EPHA3: variants seen among roughly 807,000 people sequenced by gnomAD.
The protein encoded by EPHA3 is ephrin type-A receptor 3.
EPHA3 carries 42 observed loss-of-function variants against 107.1 expected under a neutral mutation model. That is an observed-to-expected ratio of 0.39 (90% confidence interval 0.31 to 0.51). The LOEUF (loss-of-function observed/expected upper bound fraction) is 0.51. Ranked by LOEUF, EPHA3 falls within the 20% of genes least tolerant of loss-of-function variation. The pLI is 0.78. For synonymous variants in EPHA3, 461 were observed against 424.8 expected, an observed-to-expected ratio of 1.09 and a Z score of -1.05; for missense variants, 1,183 against 1,211.2, an observed-to-expected ratio of 0.98 and a Z score of 0.35.
chr3:89,166,924 G>T (rs764471705), intron 2 of EPHA3, among the ~76,000 whole-genome samples: 1 of 152,124 alleles, frequency 6.6e-6, no homozygotes, highest in Non-Finnish European at 1.5e-5. Context: ...GGGGTTGAGT[G>T]GGGTCTTTAT....
chr3:89,297,409 G>T (rs1414277904), intron 3 of EPHA3, among the ~76,000 whole-genome samples: 1 of 152,118 alleles, frequency 6.6e-6, no homozygotes, highest in Non-Finnish European at 1.5e-5. Context: ...GAGGCCAGAG[G>T]AGAAGCAGAG....
At chr3:89,331,493 G>T (rs1315584159) in intron 3 of EPHA3, among the ~76,000 whole-genome samples, 2 of 152,018 alleles carry the variant, frequency 1.3e-5, no homozygotes, top group Admixed American at 1.3e-4. Context: ...TCTAATTTAG[G>T]TCATCACACT....
rs546942184 is a variant in EPHA3 at position 89,277,059 on chromosome 3, T to A, written c.815-63857T>A. 2.4e-4 allele frequency among the ~76,000 whole-genome samples: 37 copies of A among 152,262 alleles called. 1 individual carries two copies. The highest frequency in any genetic ancestry group is 8.7e-4 in the African/African-American group (36 of 41,568). ...TCCCCAATGAAAAGCTAAATGCATA[T>A]GGACTAGCCAAAACTTTAGAAGACA... On this transcript the variant is annotated intron_variant, in intron 3 of 16. Transcript: ENST00000336596.
chr3:89,122,342 AG>A (rs1360093997), intron 1 of EPHA3, among the ~76,000 whole-genome samples: 1 of 152,198 alleles, frequency 6.6e-6, no homozygotes, highest in Non-Finnish European at 1.5e-5. Context: ...TGGCTATAAA[AG>A]TCCCTTATAA....
At chr3:89,235,608 G>A (rs1452758158) in intron 3 of EPHA3, among the ~76,000 whole-genome samples, 1 of 151,634 alleles carries the variant, frequency 6.6e-6, no homozygotes, top group Admixed American at 6.6e-5. Flanking sequence ...ACAATGTGTA[G>A]ATAAATTTAG....
At position 89,141,905 on chromosome 3, in the gene EPHA3, G is replaced by A. The variant is rs1704439253; in HGVS notation, c.153+14632G>A. Among the ~76,000 whole-genome samples the A allele has an allele frequency of 2.6e-5, 4 of 151,300 alleles. No individual in the cohort carries two copies. In the South Asian group the frequency reaches 8.3e-4, roughly 31 times the overall value. On this transcript the variant is annotated intron_variant, in intron 2 of 16. Coordinates refer to ENST00000336596, the MANE Select transcript of EPHA3 (RefSeq NM_005233.6). ...ATTATAAATAATTTCTAAATTGCTG[G>A]AAATTTAGAAGATAGGAAATTTTTA...
chr3:89,303,445 CAAA>C (rs67736700), intron 3 of EPHA3, among the ~76,000 whole-genome samples: 1 of 114,604 alleles, frequency 8.7e-6, no homozygotes. Context: ...TATAAAAAGG[CAAA>C]AAAAAAAAAG....
chr3:89,153,701 G>A (rs572646885), intron 2 of EPHA3, among the ~76,000 whole-genome samples: 41 of 152,054 alleles, frequency 2.7e-4, no homozygotes, highest in African/African-American at 9.2e-4. Flanking sequence ...TTAAATCCAG[G>A]CTCCCTGCCC....
intron 3 of EPHA3, among the ~76,000 whole-genome samples, chr3:89,231,620 C>G (rs1051739857): frequency 2.0e-5 from 3 of 152,064 alleles, no homozygotes; most frequent in African/African-American, 7.2e-5. Context: ...AAGTGCAGTC[C>G]TTAGGTTTGG....
intron 3 of EPHA3, among the ~76,000 whole-genome samples, chr3:89,328,810 G>C (rs781565792): frequency 6.6e-6 from 1 of 152,134 alleles, no homozygotes; most frequent in Admixed American, 6.5e-5. Context: ...AAACACAGGT[G>C]CAATGCTAGG....
chr3:89,249,811 A>G (rs1315571177), intron 3 of EPHA3, among the ~76,000 whole-genome samples: 1 of 152,160 alleles, frequency 6.6e-6, no homozygotes, highest in Non-Finnish European at 1.5e-5. Flanking sequence ...CAGGATAATA[A>G]CATCTGTTTT....
intron 3 of EPHA3, among the ~76,000 whole-genome samples, chr3:89,253,307 ACT>A (rs796644056): frequency 2.6e-5 from 4 of 151,966 alleles, no homozygotes; most frequent in African/African-American, 9.6e-5. Context: ...TATTTGGGAA[ACT>A]CTTGAGATTT....
chr3:89,395,575 TA>T (rs1263483485), intron 5 of EPHA3, among the ~76,000 whole-genome samples: 1 of 152,180 alleles, frequency 6.6e-6, no homozygotes, highest in Non-Finnish European at 1.5e-5. Context: ...CACTTGCCAC[TA>T]GTCCACCAGC....
chr3:89,299,587 A>G (rs1292456518), intron 3 of EPHA3, among the ~76,000 whole-genome samples: 1 of 152,058 alleles, frequency 6.6e-6, no homozygotes, highest in East Asian at 1.9e-4. Flanking sequence ...TCATTTAATC[A>G]CTACAGCATT....
At chr3:89,160,847 A>G (rs891821400) in intron 2 of EPHA3, among the ~76,000 whole-genome samples, 17 of 152,082 alleles carry the variant, frequency 1.1e-4, no homozygotes, top group Non-Finnish European at 2.5e-4. Context: ...TTTCTACATT[A>G]AAAACATTTT....
At chr3:89,252,217 A>G (rs1475062092) in intron 3 of EPHA3, among the ~76,000 whole-genome samples, 1 of 152,184 alleles carries the variant, frequency 6.6e-6, no homozygotes, top group Non-Finnish European at 1.5e-5. Context: ...AAAACCAATG[A>G]TAATTAATGT....
chr3:89,360,911 T>C (rs1708078474), intron 5 of EPHA3, among the ~76,000 whole-genome samples: 1 of 150,966 alleles, frequency 6.6e-6, no homozygotes, highest in South Asian at 2.1e-4. Context: ...AATTGACCAA[T>C]GACAAAATTT....
intron 2 of EPHA3, among the ~76,000 whole-genome samples, chr3:89,155,595 A>G (rs979241307): frequency 6.6e-6 from 1 of 152,140 alleles, no homozygotes; most frequent in African/African-American, 2.4e-5. Context: ...GAATTTCTGA[A>G]TAAGAAAATA....
intron 1 of EPHA3, among the ~76,000 whole-genome samples, chr3:89,121,833 G>A (rs1168119432): frequency 1.3e-5 from 2 of 151,546 alleles, no homozygotes; most frequent in Non-Finnish European, 2.9e-5. Context: ...ATTAAATTAA[G>A]AATATACAAG....
Sources: gnomAD v4.1 joint callset for allele counts (sites outside exome capture counted in the v4.1 genomes callset) on GRCh38, gnomAD v4.1.1 for gene constraint, MANE v1.5 for transcripts, NCBI Gene and HGNC (gene_info 2026-07-23, HGNC 2026-07-21) for gene names.